IQGAP1: variants seen among roughly 807,000 people sequenced by gnomAD.
The protein encoded by IQGAP1 is IQ motif containing GTPase activating protein 1, also known as ras GTPase-activating-like protein IQGAP1.
IQGAP1 carries 66 observed loss-of-function variants against 215.6 expected under a neutral mutation model. That is an observed-to-expected ratio of 0.31 (90% CI 0.25 to 0.38). The LOEUF (loss-of-function observed/expected upper bound fraction) is 0.38. IQGAP1 is among the 10% of genes least tolerant of loss of function. The probability of loss-of-function intolerance (pLI) is 1.00; values close to 1 mark genes in which losing one functional copy is unlikely to be tolerated. For missense variants in IQGAP1, 1,712 were observed against 1,997.1 expected (o/e 0.86, Z 2.72); for synonymous variants, 772 against 728.7 (o/e 1.06, Z -0.96).
At position 90,484,240 on chromosome 15, in the gene IQGAP1, G is replaced by A; in HGVS notation, c.3809G>A (p.Cys1270Tyr). 2 of 1,613,846 alleles carry A rather than the reference G, an allele frequency of 1.2e-6. No homozygotes were observed. The highest frequency in any genetic ancestry group is 1.7e-6 in the Non-Finnish European group (2 of 1,179,922). ...QKFRRFFQTA[C>Y]DVPELQDKFN... ...TTCAGACGGTTTTTCCAAACTGCTT[G>A]TGATGTCCCAGAGCTTCAGGATAAA... Residue 1270 changes from cysteine to tyrosine, a missense_variant, in exon 30 of 38, where the codon TGT becomes TAT. Cys to Tyr is a radical substitution (Grantham distance 194). Coordinates refer to ENST00000268182, the MANE Select transcript of IQGAP1 (RefSeq NM_003870.4).
chr15:90,403,786 G>T (rs980178579), intron 2 of IQGAP1, among the ~76,000 whole-genome samples: 1 of 152,092 alleles, frequency 6.6e-6, no homozygotes, highest in South Asian at 2.1e-4. Flanking sequence ...CGATTGTCCC[G>T]CCTCAGCCTC....
At chr15:90,389,616 C>G (rs536632957) in intron 1 of IQGAP1, among the ~76,000 whole-genome samples, 1 of 152,040 alleles carries the variant, frequency 6.6e-6, no homozygotes, top group Admixed American at 6.5e-5. Flanking sequence ...TGCACCTGGC[C>G]TGAAGGTGAC....
chr15:90,410,867 A>T (rs937635285), intron 2 of IQGAP1, among the ~76,000 whole-genome samples: 9 of 151,400 alleles, frequency 5.9e-5, no homozygotes, highest in Admixed American at 5.9e-4. Flanking sequence ...AAGAAAAAAC[A>T]TTCCCAAGAT....
At chr15:90,403,351 G>C (rs868119037) in intron 2 of IQGAP1, among the ~76,000 whole-genome samples, 4 of 152,138 alleles carry the variant, frequency 2.6e-5, no homozygotes, top group Non-Finnish European at 5.9e-5. Flanking sequence ...GACTTTTGGG[G>C]TTTTCCTTAA....
Position 90,477,773 on chromosome 15 carries a change from C to T in IQGAP1, c.3213C>T (p.Ile1071=), listed in dbSNP as rs1263062472. Residue 1071 remains isoleucine (I), a synonymous_variant, in exon 26 of 38, where the codon ATC becomes ATT. Transcript: ENST00000268182. Reference sequence around the variant, plus strand: ...GTGGCCAGAATGCCCTGAGACAGATCTTGGCCCCAGTCGTGAAGGAAATTA... The same window carrying T: ...GTGGCCAGAATGCCCTGAGACAGATTTTGGCCCCAGTCGTGAAGGAAATTA... ...GARGQNALRQ[I]LAPVVKEIMD... 2 of 1,613,610 alleles carry T rather than the reference C, an allele frequency of 1.2e-6. No homozygotes were observed. Among genetic ancestry groups the T allele is most frequent in the Admixed American group, 1.7e-5 (1 of 59,984 alleles).
Position 90,474,745 on chromosome 15 carries a change from C to A in IQGAP1, c.2784+52C>A, listed in dbSNP as rs760101752. 4.6e-6 allele frequency: 6 copies of A among 1,304,540 alleles called. No homozygotes were observed. In the South Asian group the frequency reaches 5.9e-5, roughly 13 times the overall value. The allele number at this position is 1,304,540 out of a possible 1,614,324, so 80.8% of individuals were successfully genotyped here. On this transcript the variant is annotated intron_variant, in intron 23 of 37. Coordinates refer to ENST00000268182, the MANE Select transcript of IQGAP1 (RefSeq NM_003870.4). ...TGGAACGGTTCATCCTGCTTTGTAA[C>A]CCCTGCATTCCCCTTTCTGACTGGT...
chr15:90,456,936 AT>A, intron 15 of IQGAP1, among the ~76,000 whole-genome samples: 1 of 111,684 alleles, frequency 9.0e-6, no homozygotes. Flanking sequence ...ATATATATAT[AT>A]ACGTATATAT....
rs1427267686 is a variant in IQGAP1, at chr15:90,440,585, G to A, written c.619G>A (p.Ala207Thr). Residue 207 changes from alanine to threonine, a missense_variant, in exon 7 of 38, where the codon GCT (alanine) becomes ACT (threonine). Physicochemically the swap from Ala to Thr is moderately conservative, Grantham distance 58. Coordinates refer to ENST00000268182, the MANE Select transcript of IQGAP1 (RefSeq NM_003870.4). Reference protein sequence around the residue: ...PAFSKIGGILANELSVDEAAL... With the variant: ...PAFSKIGGILTNELSVDEAAL... ...CTTTAGCAAGATTGGGGGCATCTTG[G>A]CTAATGAACTGTCAGTGGATGAAGC... 3.2e-6 allele frequency: 5 copies of A among 1,566,614 alleles called. No individual in the cohort carries two copies. Among genetic ancestry groups the A allele is most frequent in the Non-Finnish European group, 4.3e-6 (5 of 1,153,996 alleles).
In IQGAP1 at chr15:90,477,678, C is replaced by G. The variant is rs1965999449; in HGVS notation, c.3118C>G (p.Gln1040Glu). 1 of 1,611,956 alleles carries G rather than the reference C, an allele frequency of 6.2e-7. No homozygotes were observed. Among genetic ancestry groups the G allele is most frequent in the African/African-American group, 1.3e-5 (1 of 74,928 alleles). The change falls in exon 26 of 38, where the codon CAG becomes GAG. Residue 1040 changes from glutamine (Q) to glutamate (E), a missense_variant. This residue lies in a region of IQGAP1 where 691 missense variants were observed against 923.0 expected (regional missense o/e 0.75). Coordinates refer to ENST00000268182, the MANE Select transcript of IQGAP1 (RefSeq NM_003870.4). ...GATGTTTTATAGGTCGAAGGTAGAT[C>G]AGATTCAAGAGATTGTGACAGGAAA... ...LQEEIKSKVD[Q>E]IQEIVTGNPT... is the part of the protein sequence containing the mutation.
At position 90,388,327 on chromosome 15, in the gene IQGAP1, T is replaced by TCGGGCTCGTCCGCCATGTCCG; in HGVS notation, c.-13_8dup. ...GTTTCACGGCTTCCTCAGCAGAGAC[T>TCGGGCTCGTCCGCCATGTCCG]CGGGCTCGTCCGCCATGTCCGCCGC... is the stretch of plus-strand genomic sequence containing the variant. On this transcript the variant is annotated 5_prime_UTR_variant, in exon 1 of 38. It adds an upstream start codon to the 5' untranslated region. Coordinates refer to ENST00000268182, the MANE Select transcript of IQGAP1 (RefSeq NM_003870.4). The TCGGGCTCGTCCGCCATGTCCG allele has an allele frequency of 6.3e-7, 1 of 1,596,132 alleles. No individual in the cohort carries two copies. Among genetic ancestry groups the TCGGGCTCGTCCGCCATGTCCG allele is most frequent in the South Asian group, 1.1e-5 (1 of 90,406 alleles).
At position 90,453,284 on chromosome 15, in the gene IQGAP1, C is replaced by T. The variant is rs759632684; in HGVS notation, c.1479C>T (p.Asn493=). 2 of 1,611,262 alleles carry T rather than the reference C, an allele frequency of 1.2e-6. No homozygotes were observed. The highest frequency in any genetic ancestry group is 2.2e-5 in the South Asian group (2 of 90,592). ...GTCTTACCAATATTGAGGAAGAAAA[C>T]TGTCAGAGGTGGGTGTCCAGAGTGA... The part of the protein sequence containing the change: ...VTGLTNIEEE[N]CQRYLDELMK... The change falls in exon 13 of 38, where the codon AAC becomes AAT. Residue 493 remains asparagine, a synonymous_variant. Coordinates refer to ENST00000268182, the MANE Select transcript of IQGAP1 (RefSeq NM_003870.4).
In IQGAP1 at chr15:90,481,269, CTTTTTT is replaced by C. The variant is rs57452745; in HGVS notation, c.3330-670_3330-665del. Among the ~76,000 whole-genome samples, 279 of 113,174 alleles carry C rather than the reference CTTTTTT, an allele frequency of 2.5e-3. 2 individuals are homozygous for C. The highest frequency in any genetic ancestry group is 7.2e-3 in the African/African-American group (216 of 29,960). The allele number at this position is 113,174 out of a possible 152,430, so 74.2% of individuals were successfully genotyped here. On this transcript the variant is annotated intron_variant, in intron 26 of 37. Coordinates refer to ENST00000268182, the MANE Select transcript of IQGAP1 (RefSeq NM_003870.4). ...GTGTGTACCAAAGCTCTCTCTGCCT[CTTTTTT>C]TTTTTTTTTTTTTTTTTTTTAAGAC... is the stretch of plus-strand genomic sequence containing the variant.
At chr15:90,472,779 G>A (rs1049070210) in intron 18 of IQGAP1, 61 bp from the exon 19 acceptor site, 175 of 1,496,866 alleles carry the variant, frequency 1.2e-4, no homozygotes, top group Non-Finnish European at 1.5e-4. Flanking sequence ...ATGATACTTC[G>A]TGAAAACCTG....
rs1458614601 is a variant in IQGAP1 at position 90,473,484 on chromosome 15, G to C, written c.2350-231G>C. The C allele has an allele frequency of 1.7e-5, 9 of 518,662 alleles. No homozygotes were observed. The Admixed American group carries it at 2.6e-4, about 15-fold the overall frequency. The allele number at this position is 518,662 out of a possible 1,614,324, so 32.1% of individuals were successfully genotyped here. On this transcript the variant is annotated intron_variant, in intron 19 of 37. Transcript: ENST00000268182. ...GTAAATGAATCTGTATGGCTGCACT[G>C]TAAAAGGTGTGCAGGGCTGTGCTGA... is the stretch of plus-strand genomic sequence containing the variant.
chr15:90,500,111 G>T lies in IQGAP1; in HGVS notation c.*3G>T. ...ACAAAAAGTTCTACGGGAAGTAATT[G>T]ATCGTTTGCTGCCAGCCCAGAAGGA... On this transcript the variant is annotated 3_prime_UTR_variant, in exon 38 of 38. Coordinates refer to ENST00000268182, the MANE Select transcript of IQGAP1 (RefSeq NM_003870.4). 6.6e-7 allele frequency: 1 copy of T among 1,524,524 alleles called. No individual in the cohort carries two copies. The highest frequency in any genetic ancestry group is 1.1e-5 in the South Asian group (1 of 89,202). The allele number at this position is 1,524,524 out of a possible 1,614,324, so 94.4% of individuals were successfully genotyped here. A position where few individuals can be genotyped will look rare whatever the true frequency, so the allele number is the denominator to read the frequency against.
chr15:90,401,955 A>G (rs1231913023), intron 2 of IQGAP1, among the ~76,000 whole-genome samples: 2 of 152,340 alleles, frequency 1.3e-5, no homozygotes, highest in East Asian at 1.9e-4. Flanking sequence ...TCCCAAGGTC[A>G]TATATTGGAA....
At chr15:90,489,125 CT>C (rs58123122) in intron 33 of IQGAP1, among the ~76,000 whole-genome samples, 49,621 of 136,082 alleles carry the variant, frequency 0.36, 9,131 homozygotes, top group East Asian at 0.67. Context: ...ACCCTTGTTT[CT>C]TTTTTTTTTT....
At chr15:90,479,727 C>A (rs917522635) in intron 26 of IQGAP1, among the ~76,000 whole-genome samples, 1 of 151,806 alleles carries the variant, frequency 6.6e-6, no homozygotes, top group East Asian at 1.9e-4. Flanking sequence ...TCCTGGTTGA[C>A]AAAAAAAGAA....
intron 31 of IQGAP1, 158 bp from the exon 32 acceptor site, chr15:90,486,796 A>G: frequency 1.4e-6 from 1 of 704,424 alleles, no homozygotes; most frequent in Non-Finnish European, 2.4e-6. Flanking sequence ...CATTTGGCAT[A>G]ACATTTTATT....
Sources: gnomAD v4.1 joint callset for allele counts (sites outside exome capture counted in the v4.1 genomes callset) on GRCh38, gnomAD v4.1.1 for gene constraint, gnomAD v4.1.1 regional missense constraint, MANE v1.5 for transcripts, NCBI Gene and HGNC (gene_info 2026-07-23, HGNC 2026-07-21) for gene names.